The following TRIM3 variants were observed in gnomAD, a reference collection of about 807,000 sequenced individuals.
TRIM3 encodes the protein tripartite motif-containing protein 3.
TRIM3 carries 13 observed loss-of-function variants against 66.6 expected under a neutral mutation model. The observed-to-expected ratio is 0.20, with a 90% CI of 0.13 to 0.31. TRIM3 has a LOEUF of 0.31. Among genes scored for constraint, TRIM3 ranks in the 10% least tolerant of loss-of-function variants. The pLI is 1.00. For missense variants in TRIM3, 711 were observed against 1,020.4 expected (o/e 0.70, Z 4.13); for synonymous variants, 406 against 411.7 (o/e 0.99, Z 0.17).
At chr11:6,469,193 C>CTGCTGGGTCA (rs796718960) in intron 1 of TRIM3, among the ~76,000 whole-genome samples, 11 of 152,276 alleles carry the variant, frequency 7.2e-5, no homozygotes, top group African/African-American at 2.6e-4. Flanking sequence ...TGGGAGTGGT[C>CTGCTGGGTCA]TGCTGGGTCC....
chr11:6,456,854 T>C lies in TRIM3; in HGVS notation c.872A>G (p.His291Arg), dbSNP rs1327401838. ...GACCAGTTCCAGCTGTGCATTCTCATGTGGCCGCTCCGGGAAGGCCTGTGC... is the reference window on the plus strand; with the variant it reads ...GACCAGTTCCAGCTGTGCATTCTCACGTGGCCGCTCCGGGAAGGCCTGTGC... ...LAAQAFPERP[H>R]ENAQLELVLE... The change falls in exon 6 of 12, where the codon CAT (histidine) becomes CGT (arginine). Residue 291 changes from histidine to arginine, a missense_variant. Physicochemically the swap from His to Arg is conservative, Grantham distance 29. Coordinates refer to ENST00000345851, the MANE Select transcript of TRIM3 (RefSeq NM_033278.4). This position sits in a 1 kb window ranked among gnomAD's most constrained non-coding sequence, Gnocchi z 6.4. 3 of 1,612,852 alleles carry C rather than the reference T, an allele frequency of 1.9e-6. No homozygotes were observed. The highest frequency in any genetic ancestry group is 1.7e-5 in the Admixed American group (1 of 60,016).
intron 7 of TRIM3, chr11:6,451,708 G>A (rs1849727606): frequency 2.3e-6 from 1 of 443,858 alleles, no homozygotes; most frequent in African/African-American, 2.0e-5. Context: ...GCCTAATGAG[G>A]ATGCCACATA....
At chr11:6,454,593 T>C (rs976790556) in intron 7 of TRIM3, among the ~76,000 whole-genome samples, 3 of 152,178 alleles carry the variant, frequency 2.0e-5, no homozygotes, top group African/African-American at 4.8e-5. Flanking sequence ...AGTAGGGAAC[T>C]GAGCACCACC....
In TRIM3 at chr11:6,451,420, G is replaced by C. The variant is rs747891102; in HGVS notation, c.1552C>G (p.Gln518Glu). 1 of 1,614,138 alleles carries C rather than the reference G, an allele frequency of 6.2e-7. No individual in the cohort carries two copies. The highest frequency in any genetic ancestry group is 8.5e-7 in the Non-Finnish European group (1 of 1,180,034). ...CGGACCCCAAAACGGAACTTGAACT[G>C]GCCCTCATTGGAGAAAACCTGGAGC... ...QCIQVFSNEGQFKFRFGVRGR... is the reference protein window; with the variant it reads ...QCIQVFSNEGEFKFRFGVRGR... The change falls in exon 8 of 12, where the codon CAG becomes GAG. Residue 518 changes from glutamine to glutamate, a missense_variant. Physicochemically the swap from Gln to Glu is conservative, Grantham distance 29. Transcript: ENST00000345851.
chr11:6,472,997 C>G (rs1850752825), intron 1 of TRIM3: 1 of 152,794 alleles, frequency 6.5e-6, no homozygotes. Flanking sequence ...GATCTTCCTG[C>G]TAGGGCCAGT....
At chr11:6,466,765 C>T (rs989213013) in intron 1 of TRIM3, among the ~76,000 whole-genome samples, 4 of 152,094 alleles carry the variant, frequency 2.6e-5, no homozygotes, top group Admixed American at 1.3e-4. Flanking sequence ...CTTTAGAAGA[C>T]CTTCCATGAC....
Position 6,457,771 on chromosome 11 carries a change from C to G in TRIM3, c.440G>C (p.Gly147Ala), listed in dbSNP as rs766517242. ...CACCACATCCCTCAGCAGCACTGTG[C>G]CATGCTCACGATGCTCCCCGGCGCG... is the stretch of plus-strand genomic sequence containing the variant. Reference protein sequence around the residue: ...ECRAGEHREHGTVLLRDVVEQ... With the variant: ...ECRAGEHREHATVLLRDVVEQ... Residue 147 changes from glycine (G) to alanine (A), a missense_variant, in exon 4 of 12, where the codon GGC becomes GCC. Coordinates refer to ENST00000345851, the MANE Select transcript of TRIM3 (RefSeq NM_033278.4). This position sits in a 1 kb window ranked among gnomAD's most constrained non-coding sequence, Gnocchi z 4.5. The G allele has an allele frequency of 6.2e-7, 1 of 1,614,204 alleles. No homozygotes were observed. Among genetic ancestry groups the G allele is most frequent in the South Asian group, 1.1e-5 (1 of 91,090 alleles).
chr11:6,468,485 G>T (rs908629612), intron 1 of TRIM3, among the ~76,000 whole-genome samples: 2 of 152,234 alleles, frequency 1.3e-5, no homozygotes, highest in African/African-American at 2.4e-5. Flanking sequence ...CCTGGCACAA[G>T]AGAGGGGAGC....
chr11:6,462,579 T>G (rs1195041673), intron 2 of TRIM3, among the ~76,000 whole-genome samples: 2 of 151,958 alleles, frequency 1.3e-5, no homozygotes, highest in African/African-American at 4.8e-5. Context: ...AGCTAATTTT[T>G]AAATTCTTTT....
chr11:6,461,706 T>G (rs1249176658), intron 2 of TRIM3, among the ~76,000 whole-genome samples: 10 of 152,136 alleles, frequency 6.6e-5, no homozygotes, highest in Non-Finnish European at 1.5e-4. Flanking sequence ...CAAAACACCT[T>G]CTAATTCAGC....
chr11:6,456,595 T>C lies in TRIM3; in HGVS notation c.1131A>G (p.Pro377=), dbSNP rs1849995078. Residue 377 remains proline, a synonymous_variant, in exon 6 of 12, where the codon CCA becomes CCG. Coordinates refer to ENST00000345851, the MANE Select transcript of TRIM3 (RefSeq NM_033278.4). This position sits in a 1 kb window ranked among gnomAD's most constrained non-coding sequence, Gnocchi z 6.4. ...TGPDGTRLPV[P]VVDHKNGTYE... Reference sequence around the variant, plus strand: ...ATGTGCCATTCTTGTGGTCCACCACTGGCACCGGAAGGCGCGTGCCGTCCG... The same window carrying C: ...ATGTGCCATTCTTGTGGTCCACCACCGGCACCGGAAGGCGCGTGCCGTCCG... 2 of 1,612,848 alleles carry C rather than the reference T, an allele frequency of 1.2e-6. No individual in the cohort carries two copies. The highest frequency in any genetic ancestry group is 1.6e-4 in the Middle Eastern group (1 of 6,084).
chr11:6,460,259 G>A (rs1850167370), intron 2 of TRIM3, among the ~76,000 whole-genome samples: 5 of 152,168 alleles, frequency 3.3e-5, no homozygotes, highest in African/African-American at 7.2e-5. Context: ...TGTCTGTAGG[G>A]AAAACAGGGA....
chr11:6,448,746 G>A lies in TRIM3; in HGVS notation c.*282C>T. ...TGTTCTGGCCCCAGGCTGGGGGATG[G>A]GGAGCAGACTGACAGGGGTGGGGAG... On this transcript the variant is annotated 3_prime_UTR_variant, in exon 12 of 12. Coordinates refer to ENST00000345851, the MANE Select transcript of TRIM3 (RefSeq NM_033278.4). The A allele has an allele frequency of 1.6e-6, 1 of 613,502 alleles. No individual in the cohort carries two copies. The highest frequency in any genetic ancestry group is 2.0e-5 in the South Asian group (1 of 50,592). 38.0% of individuals were successfully genotyped at this position (613,502 alleles called of 1,614,324 possible).
At chr11:6,459,347 T>C (rs945256751) in intron 2 of TRIM3, among the ~76,000 whole-genome samples, 4 of 152,210 alleles carry the variant, frequency 2.6e-5, no homozygotes, top group African/African-American at 7.2e-5. Flanking sequence ...GAGAGTGGTA[T>C]AGCCAGGTTT....
In TRIM3 at chr11:6,458,052, C is replaced by T. The variant is rs1409668398; in HGVS notation, c.363+13G>A. On this transcript the variant is annotated intron_variant, in intron 3 of 11. Transcript: ENST00000345851. This position sits in a 1 kb window ranked among gnomAD's most constrained non-coding sequence, Gnocchi z 6.2. ...CCCAAGTCCCGGCCTCACTGGGCCT[C>T]GCTTGGGCCCACCTTGCCTTCATGG... 5 of 1,590,546 alleles carry T rather than the reference C, an allele frequency of 3.1e-6. No homozygotes were observed. The highest frequency in any genetic ancestry group is 4.5e-5 in the East Asian group (2 of 44,672).
rs1044164538 is a variant in TRIM3, at chr11:6,456,264, G to A, written c.1429+33C>T. On this transcript the variant is annotated intron_variant, in intron 6 of 11. Transcript: ENST00000345851. The surrounding 1 kb of genome is among the most constrained non-coding windows in gnomAD (Gnocchi z 6.4). ...CCCTCCCCACCCACTACCTGAGCCT[G>A]GCCCATCTGGCTCTGCCCTCGGCTG... The A allele has an allele frequency of 1.9e-6, 3 of 1,587,014 alleles. No homozygotes were observed. Among genetic ancestry groups the A allele is most frequent in the Non-Finnish European group, 2.6e-6 (3 of 1,163,642 alleles).
In TRIM3 at chr11:6,456,743, G is replaced by A. The variant is rs761983386; in HGVS notation, c.983C>T (p.Thr328Met). 1.9e-6 allele frequency: 3 copies of A among 1,610,858 alleles called. No individual in the cohort carries two copies. The highest frequency in any genetic ancestry group is 2.5e-6 in the Non-Finnish European group (3 of 1,179,756). ...TAGCGCCTGGCGCAGGCCCTCTCCCGTGGCCACCGTTTCGTGTGCAGTGGC... is the reference window on the plus strand; with the variant it reads ...TAGCGCCTGGCGCAGGCCCTCTCCCATGGCCACCGTTTCGTGTGCAGTGGC... ...TSATAHETVA[T>M]GEGLRQALVG... Residue 328 changes from threonine (T) to methionine (M), a missense_variant, in exon 6 of 12, where the codon ACG becomes ATG. This residue lies in a region of TRIM3 where 399 missense variants were observed against 458.1 expected (regional missense o/e 0.87). Coordinates refer to ENST00000345851, the MANE Select transcript of TRIM3 (RefSeq NM_033278.4). The surrounding 1 kb of genome is among the most constrained non-coding windows in gnomAD (Gnocchi z 6.4).
chr11:6,472,779 G>C (rs893672586), intron 1 of TRIM3, among the ~76,000 whole-genome samples: 2 of 152,216 alleles, frequency 1.3e-5, no homozygotes, highest in Admixed American at 1.3e-4. Context: ...ATATAAGGAA[G>C]CTTTTCCACA....
In TRIM3 at chr11:6,456,751, C is replaced by T. The variant is rs1564966308; in HGVS notation, c.975G>A (p.Thr325=). ...LLTTSATAHE[T]VATGEGLRQA... is the part of the protein sequence containing the mutation. ...GGCGCAGGCCCTCTCCCGTGGCCACCGTTTCGTGTGCAGTGGCGCTCGTGG... is the reference window on the plus strand; with the variant it reads ...GGCGCAGGCCCTCTCCCGTGGCCACTGTTTCGTGTGCAGTGGCGCTCGTGG... The change falls in exon 6 of 12, where the codon ACG becomes ACA. Residue 325 remains threonine, a synonymous_variant. Coordinates refer to ENST00000345851, the MANE Select transcript of TRIM3 (RefSeq NM_033278.4). This position sits in a 1 kb window ranked among gnomAD's most constrained non-coding sequence, Gnocchi z 6.4. The T allele has an allele frequency of 6.2e-7, 1 of 1,611,376 alleles. No individual in the cohort carries two copies. The highest frequency in any genetic ancestry group is 8.5e-7 in the Non-Finnish European group (1 of 1,179,844).
Sources: gnomAD v4.1 joint callset for allele counts (sites outside exome capture counted in the v4.1 genomes callset) on GRCh38, gnomAD v4.1.1 for gene constraint, gnomAD v4.1.1 regional missense constraint, Gnocchi (gnomAD v3.1) non-coding constraint, MANE v1.5 for transcripts, NCBI Gene and HGNC (gene_info 2026-07-23, HGNC 2026-07-21) for gene names.